Variants in ANKS6 observed in about 807,000 individuals in gnomAD.
The protein encoded by ANKS6 is ankyrin repeat and sterile alpha motif domain containing 6, also known as ankyrin repeat and SAM domain-containing protein 6.
ANKS6 carries 47 observed loss-of-function variants against 77.9 expected under a neutral mutation model. The observed-to-expected ratio is 0.60, with a 90% CI of 0.48 to 0.77. The LOEUF is 0.77. Among genes scored for constraint, ANKS6 ranks in the 30% least tolerant of loss-of-function variants. The pLI is 0.00. For synonymous variants in ANKS6, 488 were observed against 501.7 expected (o/e 0.97, Z 0.37); for missense variants, 1,150 against 1,159.1 (o/e 0.99, Z 0.11).
At chr9:98,771,116 T>TG (rs1262002228) in intron 9 of ANKS6, 70 bp from the exon 10 acceptor site, 8 of 1,396,712 alleles carry the variant, frequency 5.7e-6, no homozygotes, top group Non-Finnish European at 7.5e-6. Context: ...GATCACAGTG[T>TG]GGGGGTTCCT....
chr9:98,774,334 G>C (rs1419828290), intron 8 of ANKS6, among the ~76,000 whole-genome samples: 1 of 152,218 alleles, frequency 6.6e-6, no homozygotes, highest in Non-Finnish European at 1.5e-5. Flanking sequence ...AGGAGACAGA[G>C]CGCCAAGGAG....
rs1016907574 is a variant in ANKS6 at position 98,780,447 on chromosome 9, G to T, written c.1220-110C>A. 77 of 1,300,894 alleles carry T rather than the reference G, an allele frequency of 5.9e-5. No homozygotes were observed. In the Middle Eastern group the frequency reaches 6.0e-4, roughly 10 times the overall value. 80.6% of individuals were successfully genotyped at this position (1,300,894 alleles called of 1,614,324 possible). A position where few individuals can be genotyped will look rare whatever the true frequency, so the allele number is the denominator to read the frequency against. ...TAGAACTCAGCCCTGCAGCTCCAGG[G>T]TCTGTGTAATTCCAGAATCAAGGCA... On this transcript the variant is annotated intron_variant, in intron 5 of 14. Transcript: ENST00000353234.
Position 98,778,218 on chromosome 9 carries a change from T to C in ANKS6, c.1567+8A>G, listed in dbSNP as rs771743581. The C allele has an allele frequency of 6.2e-7, 1 of 1,614,046 alleles. No homozygotes were observed. Among genetic ancestry groups the C allele is most frequent in the East Asian group, 2.2e-5 (1 of 44,884 alleles). ...AAAAATTCTACTGCACATGCAGACT[T>C]TTCTCACCATTGTCTTTGGTCACAG... On this transcript the variant is annotated splice_region_variant and intron_variant, in intron 7 of 14. Transcript: ENST00000353234.
rs528458439 is a variant in ANKS6, at chr9:98,795,400, T to C, written c.359+733A>G. 5.6e-4 allele frequency among the ~76,000 whole-genome samples: 85 copies of C among 152,202 alleles called. 1 individual carries two copies. Among genetic ancestry groups the C allele is most frequent in the South Asian group, 2.3e-3 (11 of 4,820 alleles). On this transcript the variant is annotated intron_variant, in intron 1 of 14. Transcript: ENST00000353234. The stretch of plus-strand genomic sequence containing the variant: ...CTCCCTAGCACCTTCCATGACTCCC[T>C]AGCACCCTAGGATAGCTAGCGTTTC...
intron 7 of ANKS6, among the ~76,000 whole-genome samples, chr9:98,777,685 C>T (rs1187296270): frequency 6.6e-6 from 1 of 152,100 alleles, no homozygotes; most frequent in Non-Finnish European, 1.5e-5. Context: ...CAGTGGTGCC[C>T]CCAGCTCAAT....
intron 1 of ANKS6, among the ~76,000 whole-genome samples, chr9:98,790,818 C>T (rs1834867944): frequency 6.6e-6 from 1 of 152,200 alleles, no homozygotes; most frequent in Non-Finnish European, 1.5e-5. Context: ...CCAGCTCTCC[C>T]CACCACCAGC....
intron 10 of ANKS6, 133 bp from the exon 11 acceptor site, chr9:98,768,383 G>A: frequency 9.2e-7 from 1 of 1,084,090 alleles, no homozygotes; most frequent in South Asian, 1.5e-5. Flanking sequence ...CTCCAGGACA[G>A]GACTGACCAC....
intron 11 of ANKS6, among the ~76,000 whole-genome samples, chr9:98,766,596 T>C (rs989475746): frequency 6.6e-6 from 1 of 152,222 alleles, no homozygotes; most frequent in Non-Finnish European, 1.5e-5. Flanking sequence ...ATATAGGACG[T>C]ATTACACAAA....
intron 8 of ANKS6, 53 bp from the exon 9 acceptor site, chr9:98,774,133 T>C (rs1218890279): frequency 2.9e-6 from 4 of 1,363,102 alleles, no homozygotes; most frequent in Non-Finnish European, 3.8e-6. Context: ...CTCCCAACTC[T>C]GCAGGAAAGA....
chr9:98,784,229 G>A, intron 3 of ANKS6, 72 bp from the exon 4 acceptor site: 2 of 1,378,446 alleles, frequency 1.5e-6, no homozygotes, highest in South Asian at 1.5e-5. Context: ...TGTGGTTCAT[G>A]TAACAAACAC....
chr9:98,735,258 T>C lies in ANKS6; in HGVS notation c.*1261A>G. ...ACAAGGTCTGCCCACTCTACCATGC[T>C]GCCTCTCAATGTCGGGACCATCTAT... On this transcript the variant is annotated 3_prime_UTR_variant, in exon 15 of 15. Transcript: ENST00000353234. 1 of 988,570 alleles carries C rather than the reference T, an allele frequency of 1.0e-6. No individual in the cohort carries two copies. Among genetic ancestry groups the C allele is most frequent in the Non-Finnish European group, 1.2e-6 (1 of 832,166 alleles). 61.2% of individuals were successfully genotyped at this position (988,570 alleles called of 1,614,324 possible). A position where few individuals can be genotyped will look rare whatever the true frequency, so the allele number is the denominator to read the frequency against.
intron 1 of ANKS6, among the ~76,000 whole-genome samples, chr9:98,795,263 T>C (rs767942870): frequency 6.6e-6 from 1 of 152,150 alleles, no homozygotes; most frequent in Non-Finnish European, 1.5e-5. Context: ...ACCAGCCTTT[T>C]TGACTCTAGC....
In ANKS6 at chr9:98,756,613, A is replaced by G. The variant is rs763588317; in HGVS notation, c.2143-10T>C. 115 of 1,499,896 alleles carry G rather than the reference A, an allele frequency of 7.7e-5. No individual in the cohort carries two copies. In the South Asian group the frequency reaches 1.0e-3, roughly 13 times the overall value. 92.9% of individuals were successfully genotyped at this position (1,499,896 alleles called of 1,614,324 possible). ...TGCTGGTCTCCAATTTCTGCTGAAC[A>G]GAGTAAGACAAATACATAAGCCATC... On this transcript the variant is annotated splice_polypyrimidine_tract_variant and intron_variant, in intron 11 of 14. Coordinates refer to ENST00000353234, the MANE Select transcript of ANKS6 (RefSeq NM_173551.5).
intron 14 of ANKS6, among the ~76,000 whole-genome samples, chr9:98,741,699 G>C (rs575044565): frequency 1.8e-4 from 28 of 152,194 alleles, no homozygotes; most frequent in Non-Finnish European, 3.1e-4. Context: ...AAACTAATGA[G>C]CAGACTCGAG....
At chr9:98,794,614 C>T (rs890708399) in intron 1 of ANKS6, among the ~76,000 whole-genome samples, 2 of 152,194 alleles carry the variant, frequency 1.3e-5, no homozygotes, top group Non-Finnish European at 2.9e-5. Context: ...AGGCTCAAGA[C>T]TATCCTGCAG....
chr9:98,759,008 C>A (rs1002740942), intron 11 of ANKS6, among the ~76,000 whole-genome samples: 1 of 152,132 alleles, frequency 6.6e-6, no homozygotes, highest in African/African-American at 2.4e-5. Context: ...ACACTTAGAT[C>A]TTCTGTCATA....
At chr9:98,778,728 C>T (rs567343052) in intron 6 of ANKS6, among the ~76,000 whole-genome samples, 10 of 152,316 alleles carry the variant, frequency 6.6e-5, no homozygotes, top group Admixed American at 5.2e-4. Flanking sequence ...AATGGAGACC[C>T]AGACAGGATT....
chr9:98,763,573 G>A (rs1833122041), intron 11 of ANKS6, among the ~76,000 whole-genome samples: 1 of 151,708 alleles, frequency 6.6e-6, no homozygotes, highest in South Asian at 2.1e-4. Context: ...CCACCATAAG[G>A]AACTAGAGAA....
At chr9:98,758,532 C>T (rs910191018) in intron 11 of ANKS6, among the ~76,000 whole-genome samples, 1 of 152,140 alleles carries the variant, frequency 6.6e-6, no homozygotes, top group South Asian at 2.1e-4. Context: ...GATGTCACTG[C>T]TTCTAGGTCC....
Sources: allele counts gnomAD v4.1 joint callset (sites outside exome capture counted in the v4.1 genomes callset), GRCh38; gene constraint gnomAD v4.1.1; transcripts MANE v1.5; gene names NCBI Gene and HGNC (gene_info 2026-07-23, HGNC 2026-07-21).